The following HDAC9 variants were observed in gnomAD, a reference collection of about 807,000 sequenced individuals.
HDAC9 encodes the protein histone deacetylase 9.
HDAC9 carries 41 observed loss-of-function variants against 139.4 expected under a neutral mutation model. The ratio of observed to expected loss-of-function variants is 0.29; its 90% CI spans 0.23 to 0.38. The LOEUF is 0.38. Among genes scored for constraint, HDAC9 ranks in the 10% least tolerant of loss-of-function variants. HDAC9 has a pLI of 1.00. For synonymous variants in HDAC9, 517 were observed against 476.2 expected (o/e 1.09, Z -1.12); for missense variants, 1,147 against 1,297.0 (o/e 0.88, Z 1.78).
chr7:18,671,103 C>T (rs1315782777), intron 12 of HDAC9, among the ~76,000 whole-genome samples: 2 of 151,878 alleles, frequency 1.3e-5, no homozygotes, highest in African/African-American at 4.8e-5. Context: ...CCCAAACTAA[C>T]GCAAAGAAAG....
chr7:18,354,037 A>T (rs1253659543), intron 1 of HDAC9, among the ~76,000 whole-genome samples: 1 of 152,162 alleles, frequency 6.6e-6, no homozygotes, highest in Non-Finnish European at 1.5e-5. Context: ...ACCATTTGGG[A>T]CTTAGCAAAT....
At chr7:18,597,350 A>T (rs191957782) in intron 6 of HDAC9, among the ~76,000 whole-genome samples, 14 of 152,278 alleles carry the variant, frequency 9.2e-5, no homozygotes, top group Admixed American at 3.3e-4. Context: ...AGAATTATAC[A>T]TTGTAATTAA....
intron 14 of HDAC9, among the ~76,000 whole-genome samples, chr7:18,750,781 T>A (rs1788376041): frequency 6.6e-6 from 1 of 152,210 alleles, no homozygotes; most frequent in Non-Finnish European, 1.5e-5. Context: ...CTGGTCTTAA[T>A]GGACAAAATG....
At position 18,124,541 on chromosome 7, in the gene HDAC9, T is replaced by G. The variant is rs1259910583; in HGVS notation, c.-97+37328T>G. Among the ~76,000 whole-genome samples the G allele has an allele frequency of 1.7e-4, 26 of 152,204 alleles. 1 individual carries two copies. Among genetic ancestry groups the G allele is most frequent in the Admixed American group, 1.7e-3 (26 of 15,274 alleles). ...AGTTCTTCCCAGATATCTTATGTTT[T>G]TACATGATTCCATGTGAGAAGCTGT... On this transcript the variant is annotated intron_variant, in intron 1 of 12. Coordinates refer to the HDAC9 transcript ENST00000417496.
chr7:18,643,690 A>G (rs1786454070), intron 8 of HDAC9, among the ~76,000 whole-genome samples: 1 of 152,052 alleles, frequency 6.6e-6, no homozygotes, highest in African/African-American at 2.4e-5. Context: ...ACAAGTTATT[A>G]TATTTACTTT....
At position 18,448,091 on chromosome 7, in the gene HDAC9, C is replaced by T. The variant is rs113695594; in HGVS notation, c.-41-48171C>T. On this transcript the variant is annotated intron_variant, in intron 1 of 3. Coordinates refer to the HDAC9 transcript ENST00000413509. ...CCAACTCCAACTCCAAATCCAATTC[C>T]AGGCCTCAAGTGATCCACCCACCTC... Among the ~76,000 whole-genome samples, 313 of 152,276 alleles carry T rather than the reference C, an allele frequency of 2.1e-3. 3 individuals carry two copies. Among genetic ancestry groups the T allele is most frequent in the African/African-American group, 6.2e-3 (258 of 41,564 alleles).
chr7:18,138,858 T>C (rs1785662723), intron 1 of HDAC9, among the ~76,000 whole-genome samples: 1 of 152,150 alleles, frequency 6.6e-6, no homozygotes, highest in South Asian at 2.1e-4. Flanking sequence ...TTCAGAGTAC[T>C]GGATTCTCTT....
intron 6 of HDAC9, among the ~76,000 whole-genome samples, chr7:18,607,960 C>T (rs1835988521): frequency 6.6e-6 from 1 of 151,948 alleles, no homozygotes; most frequent in Non-Finnish European, 1.5e-5. Context: ...ACAGGCAGGA[C>T]ATTTTAGATA....
intron 1 of HDAC9, among the ~76,000 whole-genome samples, chr7:18,089,884 A>T (rs1359037662): frequency 1.3e-5 from 2 of 151,918 alleles, no homozygotes; most frequent in African/African-American, 4.8e-5. Flanking sequence ...TTGTTATTAC[A>T]TCCAAATGTG....
At chr7:18,460,389 A>C (rs1793731906) in intron 1 of HDAC9, among the ~76,000 whole-genome samples, 1 of 152,142 alleles carries the variant, frequency 6.6e-6, no homozygotes, top group South Asian at 2.1e-4. Context: ...CAATTATATA[A>C]AATTTTGTAG....
At chr7:18,829,745 T>C (rs1795721912) in intron 19 of HDAC9, among the ~76,000 whole-genome samples, 197 bp downstream of exon 19, 1 of 152,236 alleles carries the variant, frequency 6.6e-6, no homozygotes, top group Admixed American at 6.5e-5. Flanking sequence ...TTTCATGGTG[T>C]TAACTGCAAT....
chr7:18,442,754 C>T (rs1368302520), intron 1 of HDAC9, among the ~76,000 whole-genome samples: 1 of 152,098 alleles, frequency 6.6e-6, no homozygotes, highest in Non-Finnish European at 1.5e-5. Context: ...ATTTTTTCTT[C>T]TCTCTGAGGT....
At chr7:18,718,255 G>A (rs1784858462) in intron 12 of HDAC9, among the ~76,000 whole-genome samples, 1 of 152,076 alleles carries the variant, frequency 6.6e-6, no homozygotes, top group African/African-American at 2.4e-5. Flanking sequence ...TTTTTGAGAT[G>A]GAGTCGCGCT....
intron 1 of HDAC9, among the ~76,000 whole-genome samples, chr7:18,453,035 T>C (rs114523935): frequency 0.01 from 1,560 of 152,296 alleles, 26 homozygotes; most frequent in African/African-American, 0.035. Context: ...GCTTTTTTCT[T>C]ATTCCTGTGA....
intron 17 of HDAC9, among the ~76,000 whole-genome samples, chr7:18,823,702 A>G (rs1181399603): frequency 6.6e-6 from 1 of 152,114 alleles, no homozygotes; most frequent in Non-Finnish European, 1.5e-5. Context: ...GGAAGAGGCC[A>G]GGCACAGTTG....
intron 24 of HDAC9, among the ~76,000 whole-genome samples, chr7:18,958,025 C>T (rs1377532336): frequency 6.6e-6 from 1 of 152,134 alleles, no homozygotes; most frequent in Non-Finnish European, 1.5e-5. Flanking sequence ...AACTGAGTCC[C>T]CCAGCTGAGG....
intron 14 of HDAC9, among the ~76,000 whole-genome samples, chr7:18,754,603 G>A (rs867737167): frequency 9.9e-5 from 15 of 152,226 alleles, no homozygotes; most frequent in Middle Eastern, 3.4e-3. Context: ...TAATTCATAA[G>A]TAAGAACCAT....
chr7:18,366,511 C>T (rs1784191919), intron 1 of HDAC9, among the ~76,000 whole-genome samples: 1 of 152,108 alleles, frequency 6.6e-6, no homozygotes, highest in African/African-American at 2.4e-5. Context: ...CCTTCAGTCA[C>T]ATTTGGCCAG....
chr7:18,806,976 T>C (rs1793762533), intron 17 of HDAC9, among the ~76,000 whole-genome samples: 1 of 152,188 alleles, frequency 6.6e-6, no homozygotes, highest in Admixed American at 6.5e-5. Flanking sequence ...CTCATAAAAT[T>C]AGTTAGAAAT....
Sources: gnomAD v4.1 joint callset for allele counts (sites outside exome capture counted in the v4.1 genomes callset) on GRCh38, gnomAD v4.1.1 for gene constraint, MANE v1.5 for transcripts, NCBI Gene and HGNC (gene_info 2026-07-23, HGNC 2026-07-21) for gene names.